The following EXOC4 variants were observed in gnomAD, a reference collection of about 807,000 sequenced individuals.
EXOC4 encodes the protein exocyst complex component 4.
In EXOC4, 71 loss-of-function variants were observed where a neutral mutation model predicts 107.2. That is an observed-to-expected ratio of 0.66 (90% CI 0.55 to 0.81). The LOEUF (loss-of-function observed/expected upper bound fraction) is 0.81, where lower values mean the gene tolerates loss of function less well. Ranked by LOEUF, EXOC4 falls within the 30% of genes least tolerant of loss-of-function variation. The pLI is 0.00. For missense variants in EXOC4, 1,108 were observed against 1,189.6 expected, an observed-to-expected ratio of 0.93 and a Z score of 1.01; for synonymous variants, 456 against 441.2, an observed-to-expected ratio of 1.03 and a Z score of -0.42.
intron 10 of EXOC4, among the ~76,000 whole-genome samples, chr7:133,676,959 G>GTGTGTGTGTGTGTGTGTGTGTA (rs1554382531): frequency 1.4e-4 from 20 of 138,764 alleles, no homozygotes; most frequent in South Asian, 9.2e-4. Flanking sequence ...GTGTGTGTAT[G>GTGTGTGTGTGTGTGTGTGTGTA]TGTGTGTGTG....
intron 9 of EXOC4, among the ~76,000 whole-genome samples, chr7:133,545,960 A>C (rs1386292322): frequency 6.6e-6 from 1 of 152,110 alleles, no homozygotes; most frequent in Non-Finnish European, 1.5e-5. Context: ...CTGCTGCTTC[A>C]GTTGGTTTAA....
At chr7:133,546,066 A>G (rs1410008334) in intron 9 of EXOC4, among the ~76,000 whole-genome samples, 1 of 152,168 alleles carries the variant, frequency 6.6e-6, no homozygotes, top group East Asian at 1.9e-4. Context: ...ACTTCTGTTA[A>G]TGTAGCCTGA....
At chr7:134,029,346 T>G (rs1795215026) in intron 17 of EXOC4, among the ~76,000 whole-genome samples, 1 of 152,134 alleles carries the variant, frequency 6.6e-6, no homozygotes. Flanking sequence ...AACCACGCAC[T>G]TTATAATTTC....
chr7:133,595,257 A>G (rs1302215183), intron 9 of EXOC4, among the ~76,000 whole-genome samples: 2 of 152,204 alleles, frequency 1.3e-5, no homozygotes, highest in Non-Finnish European at 2.9e-5. Context: ...GAGGTGATCA[A>G]TAGTATGTGT....
At chr7:134,008,016 G>C (rs1794682342) in intron 17 of EXOC4, 181 bp downstream of exon 17, 1 of 575,084 alleles carries the variant, frequency 1.7e-6, no homozygotes, top group Admixed American at 3.7e-5. Context: ...ATTGAATTTT[G>C]TTACTTTGGC....
At chr7:133,272,524 A>T (rs1208089860) in intron 1 of EXOC4, among the ~76,000 whole-genome samples, 1 of 152,146 alleles carries the variant, frequency 6.6e-6, no homozygotes, top group Non-Finnish European at 1.5e-5. Context: ...GCAGCTAGTA[A>T]GCCTCTCTAA....
At chr7:134,084,552 C>G in the EXOC4 span, among the ~76,000 whole-genome samples, 5 of 152,040 alleles carry the variant, frequency 3.3e-5, no homozygotes, top group Non-Finnish European at 5.9e-5. Context: ...TGGGACTCCC[C>G]TTGGATTATC....
At chr7:133,516,758 A>ACTTTTTTTTTTTTTTTTTTTT (rs1799883000) in intron 9 of EXOC4, among the ~76,000 whole-genome samples, 2 of 49,032 alleles carry the variant, frequency 4.1e-5, no homozygotes, top group Non-Finnish European at 7.8e-5. Flanking sequence ...CTAGCTGCTC[A>ACTTTTTTTTTTTTTTTTTTTT]TTTTTTTTTT....
intron 9 of EXOC4, among the ~76,000 whole-genome samples, chr7:133,613,699 T>C (rs1335218446): frequency 2.6e-5 from 4 of 152,076 alleles, no homozygotes; most frequent in Non-Finnish European, 5.9e-5. Context: ...GAATTCAGTG[T>C]AAGGGCCATT....
At chr7:133,587,815 A>T (rs1031995656) in intron 9 of EXOC4, among the ~76,000 whole-genome samples, 1 of 152,268 alleles carries the variant, frequency 6.6e-6, no homozygotes, top group African/African-American at 2.4e-5. Context: ...TTTCCTGCCA[A>T]TGATGACATG....
intron 10 of EXOC4, among the ~76,000 whole-genome samples, chr7:133,815,394 AAAAC>A (rs1315960033): frequency 6.6e-6 from 1 of 151,776 alleles, no homozygotes; most frequent in Non-Finnish European, 1.5e-5. Context: ...AAAAAAGACA[AAAAC>A]AAAAAACTCT....
At chr7:133,728,818 T>C (rs910910776) in intron 10 of EXOC4, among the ~76,000 whole-genome samples, 1 of 152,176 alleles carries the variant, frequency 6.6e-6, no homozygotes, top group Non-Finnish European at 1.5e-5. Flanking sequence ...TCCCTTCATC[T>C]TGAATTTTGT....
At chr7:133,804,752 G>A (rs1012835223) in intron 10 of EXOC4, among the ~76,000 whole-genome samples, 2 of 152,124 alleles carry the variant, frequency 1.3e-5, no homozygotes, top group African/African-American at 4.8e-5. Context: ...TTTGAGAAAA[G>A]GACTAGGTTT....
intron 12 of EXOC4, among the ~76,000 whole-genome samples, chr7:133,907,522 A>G (rs988113904): frequency 1.3e-5 from 2 of 152,154 alleles, no homozygotes; most frequent in Non-Finnish European, 2.9e-5. Flanking sequence ...AGTGATTGTC[A>G]TGTGTTACTG....
At chr7:133,681,228 A>T (rs1178362956) in intron 10 of EXOC4, among the ~76,000 whole-genome samples, 1 of 152,226 alleles carries the variant, frequency 6.6e-6, no homozygotes, top group Non-Finnish European at 1.5e-5. Context: ...GTTTTGAATA[A>T]ATAAACTTAC....
At chr7:133,525,377 A>G (rs1800060479) in intron 9 of EXOC4, among the ~76,000 whole-genome samples, 1 of 152,188 alleles carries the variant, frequency 6.6e-6, no homozygotes, top group South Asian at 2.1e-4. Context: ...ATAATAAGCT[A>G]GTGTTGCTTC....
chr7:134,023,334 A>G (rs1184970631), intron 17 of EXOC4, among the ~76,000 whole-genome samples: 3 of 152,194 alleles, frequency 2.0e-5, no homozygotes, highest in Admixed American at 1.3e-4. Context: ...TGTTCTTTTC[A>G]TACTGCATCG....
rs184267821 is a variant in EXOC4 at position 133,565,030 on chromosome 7, G to A, written c.1418-65015G>A. ...GAAATCGAATTTGGTGAATAGTGGT[G>A]TTGGGATGTCGAGTTTTAGTTAGAG... is the stretch of plus-strand genomic sequence containing the variant. On this transcript the variant is annotated intron_variant, in intron 9 of 17. Coordinates refer to ENST00000253861, the MANE Select transcript of EXOC4 (RefSeq NM_021807.4). Among the ~76,000 whole-genome samples, 14 of 152,330 alleles carry A rather than the reference G, an allele frequency of 9.2e-5. No individual in the cohort carries two copies. In the East Asian group the frequency reaches 2.7e-3, roughly 29 times the overall value.
chr7:133,289,354 C>T (rs575525453), intron 3 of EXOC4, among the ~76,000 whole-genome samples: 2 of 152,226 alleles, frequency 1.3e-5, no homozygotes, highest in Admixed American at 1.3e-4. Flanking sequence ...AGTAAGAAAC[C>T]AGTACTTAAA....
Sources: gnomAD v4.1 joint callset for allele counts (sites outside exome capture counted in the v4.1 genomes callset) on GRCh38, gnomAD v4.1.1 for gene constraint, MANE v1.5 for transcripts, NCBI Gene and HGNC (gene_info 2026-07-23, HGNC 2026-07-21) for gene names.